The following SFI1 variants were observed in gnomAD, a reference collection of about 807,000 sequenced individuals.
SFI1 encodes the protein protein SFI1 homolog.
SFI1 carries 195 observed loss-of-function variants against 207.5 expected under a neutral mutation model. That is an observed-to-expected ratio of 0.94 (90% CI 0.84 to 1.06). SFI1 has a LOEUF of 1.06. Among genes scored for constraint, SFI1 ranks in the 50% least tolerant of loss-of-function variants. The pLI, the probability that SFI1 is intolerant of heterozygous loss-of-function variation, is 0.00. For missense variants in SFI1, 1,634 were observed against 1,588.0 expected, an observed-to-expected ratio of 1.03 and a Z score of -0.49; for synonymous variants, 630 against 598.9, an observed-to-expected ratio of 1.05 and a Z score of -0.76.
intron 1 of SFI1, among the ~76,000 whole-genome samples, chr22:31,504,813 C>T (rs780009480): frequency 7.2e-5 from 11 of 152,236 alleles, no homozygotes; most frequent in Admixed American, 1.3e-4. Flanking sequence ...ATTGCATTCT[C>T]CTCTTTATGT....
intron 8 of SFI1, among the ~76,000 whole-genome samples, chr22:31,564,980 ATT>A (rs71746917): frequency 0.22 from 30,590 of 141,412 alleles, 3,490 homozygotes; most frequent in East Asian, 0.42. Context: ...CGCCTGGCTA[ATT>A]TTTTTTTTTT....
chr22:31,582,202 C>A (rs1458661149), intron 12 of SFI1, among the ~76,000 whole-genome samples: 1 of 42,464 alleles, frequency 2.4e-5, no homozygotes, highest in Non-Finnish European at 4.0e-5. Flanking sequence ...TTCTTTATTA[C>A]ATTTTATATA....
chr22:31,540,495 T>C (rs2059379082), intron 4 of SFI1, among the ~76,000 whole-genome samples: 1 of 151,778 alleles, frequency 6.6e-6, no homozygotes, highest in African/African-American at 2.4e-5. Flanking sequence ...TTGGCCAGGC[T>C]GGTATTGAAC....
At chr22:31,608,248 C>T (rs1603342396) in intron 22 of SFI1, among the ~76,000 whole-genome samples, 2 of 152,186 alleles carry the variant, frequency 1.3e-5, no homozygotes. Context: ...TGTGGCAGGG[C>T]CATGCTTCTC....
intron 5 of SFI1, among the ~76,000 whole-genome samples, chr22:31,547,767 G>A (rs2060231769): frequency 6.6e-6 from 1 of 151,536 alleles, no homozygotes; most frequent in Non-Finnish European, 1.5e-5. Context: ...TTACAGGCAT[G>A]TGCCACCACG....
At chr22:31,517,517 G>C (rs1163008544) in intron 2 of SFI1, among the ~76,000 whole-genome samples, 1 of 152,112 alleles carries the variant, frequency 6.6e-6, no homozygotes, top group Non-Finnish European at 1.5e-5. Flanking sequence ...CAAAGTGCTG[G>C]GATTACAGGT....
intron 6 of SFI1, among the ~76,000 whole-genome samples, chr22:31,551,175 T>C (rs2060590283): frequency 6.6e-6 from 1 of 152,216 alleles, no homozygotes; most frequent in African/African-American, 2.4e-5. Context: ...TGCTTCTCAT[T>C]GTACACATAG....
chr22:31,591,082 G>T (rs917925473), intron 15 of SFI1, among the ~76,000 whole-genome samples: 40 of 151,658 alleles, frequency 2.6e-4, no homozygotes, highest in Non-Finnish European at 5.3e-4. Flanking sequence ...GTGAACAAAG[G>T]TCTCTGGTTT....
At chr22:31,539,662 A>T (rs2059301165) in intron 4 of SFI1, among the ~76,000 whole-genome samples, 1 of 151,896 alleles carries the variant, frequency 6.6e-6, no homozygotes, top group African/African-American at 2.4e-5. Context: ...CTCAAATGTC[A>T]AGAGATTCTT....
At chr22:31,559,529 TC>T in intron 7 of SFI1, 1 of 569,114 alleles carries the variant, frequency 1.8e-6, no homozygotes, top group South Asian at 1.7e-5. Flanking sequence ...TTGCGAATAC[TC>T]AACAGCAACA....
In SFI1 at chr22:31,614,012, C is replaced by T. The variant is rs530878422; in HGVS notation, c.2996+157C>T. ...AACCCCCTCTTCTCCAGCCAGATCC[C>T]ATCCCTCCCACGGCAAGAGGGAGAG... On this transcript the variant is annotated intron_variant, in intron 27 of 32. Coordinates refer to ENST00000400288, the MANE Select transcript of SFI1 (RefSeq NM_001007467.3). Among the ~76,000 whole-genome samples, 5 of 152,350 alleles carry T rather than the reference C, an allele frequency of 3.3e-5. No individual in the cohort carries two copies. In the East Asian group the frequency reaches 9.7e-4, roughly 29 times the overall value.
intron 8 of SFI1, among the ~76,000 whole-genome samples, chr22:31,570,465 AG>A (rs1484146550): frequency 1.3e-5 from 2 of 152,206 alleles, no homozygotes; most frequent in Admixed American, 6.5e-5. Context: ...TCAGCCTGAT[AG>A]GCCTTTTGAA....
intron 4 of SFI1, among the ~76,000 whole-genome samples, chr22:31,532,015 C>T (rs575960703): frequency 2.6e-5 from 4 of 151,830 alleles, no homozygotes; most frequent in Admixed American, 1.3e-4. Context: ...GAGCCGAGAT[C>T]GCGCCATTGC....
intron 19 of SFI1, 130 bp from the exon 20 acceptor site, chr22:31,604,739 G>T (rs2068679094): frequency 2.6e-6 from 2 of 765,012 alleles, no homozygotes; most frequent in Non-Finnish European, 4.2e-6. Context: ...ACCAGGGGCT[G>T]TTGGCCTCTT....
At chr22:31,512,600 C>T (rs947290897) in intron 2 of SFI1, among the ~76,000 whole-genome samples, 1 of 151,732 alleles carries the variant, frequency 6.6e-6, no homozygotes, top group Non-Finnish European at 1.5e-5. Flanking sequence ...TCACTGCAAC[C>T]TCCACCTCAG....
At position 31,613,967 on chromosome 22, in the gene SFI1, G is replaced by C. The variant is rs573051667; in HGVS notation, c.2996+112G>C. 11 of 1,363,308 alleles carry C rather than the reference G, an allele frequency of 8.1e-6. No individual in the cohort carries two copies. The South Asian group carries it at 1.8e-4, about 22-fold the overall frequency. 84.5% of individuals were successfully genotyped at this position (1,363,308 alleles called of 1,614,324 possible). A position where few individuals can be genotyped will look rare whatever the true frequency, so the allele number is the denominator to read the frequency against. On this transcript the variant is annotated intron_variant, in intron 27 of 32. Transcript: ENST00000400288. ...GATGGGACGGGCTGGTCACGGCCTT[G>C]TCACAGCTGAGCTGCTGGGAACCCC... is the stretch of plus-strand genomic sequence containing the variant.
intron 4 of SFI1, among the ~76,000 whole-genome samples, chr22:31,537,897 C>A (rs559931904): frequency 1.3e-5 from 2 of 152,042 alleles, no homozygotes; most frequent in Non-Finnish European, 2.9e-5. Flanking sequence ...GAGTGTTAGG[C>A]GGGAATAATA....
intron 17 of SFI1, 57 bp downstream of exon 17, chr22:31,602,842 C>G (rs1284566884): frequency 2.6e-5 from 41 of 1,565,866 alleles, no homozygotes; most frequent in Non-Finnish European, 3.5e-5. Context: ...TTTGCTTGTT[C>G]TAGCAGCACC....
At chr22:31,528,628 A>T (rs962266191) in intron 2 of SFI1, 62 bp from the exon 3 acceptor site, 4 of 1,454,318 alleles carry the variant, frequency 2.8e-6, no homozygotes, top group Non-Finnish European at 3.8e-6. Flanking sequence ...TATTAAAAGT[A>T]TTTGCATCAC....
Sources: allele counts gnomAD v4.1 joint callset (sites outside exome capture counted in the v4.1 genomes callset), GRCh38; gene constraint gnomAD v4.1.1; transcripts MANE v1.5; gene names NCBI Gene and HGNC (gene_info 2026-07-23, HGNC 2026-07-21).